The following RELL1 variants were observed in gnomAD, a reference collection of about 807,000 sequenced individuals.
RELL1 encodes the protein RELT like 1.
Under a neutral mutation model 23.0 loss-of-function variants are expected in RELL1, and 10 were observed. The observed-to-expected ratio is 0.43, with a 90% CI of 0.27 to 0.74. The LOEUF is 0.74. RELL1 is among the 30% of genes least tolerant of loss of function. The pLI is 0.19. For missense variants in RELL1, 315 were observed against 364.4 expected, an observed-to-expected ratio of 0.86 and a Z score of 1.10; for synonymous variants, 146 against 146.8, an observed-to-expected ratio of 0.99 and a Z score of 0.04.
Position 37,635,120 on chromosome 4 carries a change from G to A in RELL1, c.447C>T (p.Pro149=), listed in dbSNP as rs374072265. The A allele has an allele frequency of 2.9e-4, 465 of 1,613,556 alleles. No individual in the cohort carries two copies. The highest frequency in any genetic ancestry group is 2.1e-3 in the Middle Eastern group (13 of 6,062). Residue 149 remains proline (P), a synonymous_variant, in exon 5 of 7, where the codon CCC becomes CCT. Transcript: ENST00000454158. ...GGCTCCCTGGTGTGCTGGGGGTCAC[G>A]GGGCTAATGTGGGGAGGAAAACAAA... ...ADNSLYDPES[P]VTPSTPGSPP...
Position 37,612,404 on chromosome 4 carries a change from G to A in RELL1, c.*942C>T, listed in dbSNP as rs1292742355. Among the ~76,000 whole-genome samples the A allele has an allele frequency of 7.3e-5, 11 of 151,580 alleles. No individual in the cohort carries two copies. The highest frequency in any genetic ancestry group is 7.2e-4 in the Admixed American group (11 of 15,218). ...TATTCCCAGCACTTTGGGAGGCCGA[G>A]GCGGGTAGATCGCCTGAGGTCAGGA... On this transcript the variant is annotated 3_prime_UTR_variant, in exon 7 of 7. Transcript: ENST00000454158.
In RELL1 at chr4:37,617,801, A is replaced by T. The variant is rs73143379; in HGVS notation, c.*4-4459T>A. Among the ~76,000 whole-genome samples the T allele has an allele frequency of 1.8e-3, 281 of 152,320 alleles. 1 individual carries two copies. Among genetic ancestry groups the T allele is most frequent in the African/African-American group, 6.6e-3 (273 of 41,578 alleles). On this transcript the variant is annotated intron_variant, in intron 6 of 6. Transcript: ENST00000454158. ...CCGTCTCAAAACAAAACAAAACAAA[A>T]AATCAGTAACTCAATTTTAAAATTA...
At chr4:37,633,095 T>C (rs1336566300) in intron 5 of RELL1, among the ~76,000 whole-genome samples, 3 of 151,640 alleles carry the variant, frequency 2.0e-5, no homozygotes, top group Non-Finnish European at 2.9e-5. Context: ...AGAAAGAGAG[T>C]TGGATTTGGG....
chr4:37,625,339 C>T (rs1719902093), intron 6 of RELL1, among the ~76,000 whole-genome samples: 1 of 151,632 alleles, frequency 6.6e-6, no homozygotes, highest in South Asian at 2.1e-4. Flanking sequence ...ATCCCAAAAG[C>T]GCAGGCAACA....
chr4:37,603,845 G>A (rs1719080966), intron 6 of RELL1, among the ~76,000 whole-genome samples: 1 of 152,152 alleles, frequency 6.6e-6, no homozygotes, highest in Non-Finnish European at 1.5e-5. Context: ...TTGAGACAGA[G>A]TCTCACTCTG....
At chr4:37,665,783 C>G (rs1721511167) in intron 1 of RELL1, among the ~76,000 whole-genome samples, 2 of 152,184 alleles carry the variant, frequency 1.3e-5, no homozygotes, top group Admixed American at 1.3e-4. Context: ...CTGAAGCTTA[C>G]AGAGAGCTGG....
chr4:37,640,715 G>A (rs551658287), intron 3 of RELL1, among the ~76,000 whole-genome samples: 1 of 151,996 alleles, frequency 6.6e-6, no homozygotes, highest in East Asian at 1.9e-4. Context: ...CAAGAAAAAA[G>A]TCTGCACATG....
At chr4:37,637,580 C>T (rs557183041) in intron 4 of RELL1, among the ~76,000 whole-genome samples, 4 of 152,300 alleles carry the variant, frequency 2.6e-5, no homozygotes, top group African/African-American at 7.2e-5. Flanking sequence ...CCCCGGGGTC[C>T]CCCAGAGCCT....
chr4:37,609,940 T>A (rs1019243275), downstream of RELL1, among the ~76,000 whole-genome samples: 2 of 152,216 alleles, frequency 1.3e-5, no homozygotes, highest in African/African-American at 4.8e-5. Context: ...TAGAATATAA[T>A]AATACATAAA....
intron 6 of RELL1, among the ~76,000 whole-genome samples, chr4:37,598,245 T>C (rs1192413884): frequency 5.4e-5 from 3 of 55,412 alleles, no homozygotes; most frequent in Non-Finnish European, 9.3e-5. Flanking sequence ...AAAGTGCAAC[T>C]CTGTCTCAAA....
chr4:37,604,844 C>CACACAG (rs1299329457), intron 6 of RELL1, among the ~76,000 whole-genome samples: 1 of 124,634 alleles, frequency 8.0e-6, no homozygotes. Flanking sequence ...CACACAGACA[C>CACACAG]ACACACAGAC....
intron 1 of RELL1, among the ~76,000 whole-genome samples, chr4:37,675,838 G>C (rs1479947044): frequency 6.6e-6 from 1 of 152,134 alleles, no homozygotes; most frequent in African/African-American, 2.4e-5. Context: ...AGCATCACCT[G>C]GAAACATGAG....
intron 1 of RELL1, among the ~76,000 whole-genome samples, chr4:37,656,241 A>T (rs563898524): frequency 6.6e-6 from 1 of 152,332 alleles, no homozygotes; most frequent in South Asian, 2.1e-4. Flanking sequence ...TAAATGAAAT[A>T]AGCCAGACAC....
downstream of RELL1, chr4:37,589,008 T>A: frequency 1.3e-6 from 1 of 788,142 alleles, no homozygotes; most frequent in Non-Finnish European, 2.2e-6. Context: ...TGGGGCATGA[T>A]CAACATTGCC....
At chr4:37,623,223 C>T (rs1029716093) in intron 6 of RELL1, 1 of 210,114 alleles carries the variant, frequency 4.8e-6, no homozygotes, top group African/African-American at 2.4e-5. Context: ...ATGGCTCACA[C>T]ACCTGGACCT....
chr4:37,592,628 T>C (rs200824024), intron 6 of RELL1, among the ~76,000 whole-genome samples: 1 of 152,340 alleles, frequency 6.6e-6, no homozygotes, highest in East Asian at 1.9e-4. Flanking sequence ...TGGAAGATGC[T>C]TTAGTTTGGT....
chr4:37,634,738 G>T, intron 5 of RELL1, 149 bp downstream of exon 5: 1 of 695,278 alleles, frequency 1.4e-6, no homozygotes, highest in East Asian at 2.6e-5. Flanking sequence ...GAAAAATCTA[G>T]GACTCACACC....
intron 1 of RELL1, among the ~76,000 whole-genome samples, chr4:37,653,251 C>T (rs1466289168): frequency 6.6e-6 from 1 of 151,992 alleles, no homozygotes; most frequent in Non-Finnish European, 1.5e-5. Flanking sequence ...TTACCCTGCC[C>T]GCTCCTTTTC....
At chr4:37,605,791 A>AAGAGAGAGAGAG (rs879276161), downstream of RELL1, among the ~76,000 whole-genome samples, 38 of 71,082 alleles carry the variant, frequency 5.3e-4, no homozygotes, top group African/African-American at 1.2e-3. Context: ...GAGAGAAAGA[A>AAGAGAGAGAGAG]AGAGAAAGAA....
Sources: gnomAD v4.1 joint callset for allele counts (sites outside exome capture counted in the v4.1 genomes callset) on GRCh38, gnomAD v4.1.1 for gene constraint, MANE v1.5 for transcripts, NCBI Gene and HGNC (gene_info 2026-07-23, HGNC 2026-07-21) for gene names.